Variants in RAB38 observed in about 807,000 individuals in gnomAD.
RAB38 encodes the protein RAB38, member RAS oncogene family, also known as ras-related protein Rab-38.
RAB38 carries 15 observed loss-of-function variants against 18.4 expected under a neutral mutation model. The ratio of observed to expected loss-of-function variants is 0.82; its 90% CI spans 0.55 to 1.26. The LOEUF is 1.26. RAB38 is among the 50% of genes most tolerant of loss of function. The pLI is 0.00. For synonymous variants in RAB38, 101 were observed against 104.4 expected (o/e 0.97, Z 0.20); for missense variants, 294 against 267.4 (o/e 1.10, Z -0.69).
the RAB38 span, among the ~76,000 whole-genome samples, chr11:87,914,977 G>T: frequency 6.6e-6 from 1 of 152,154 alleles, no homozygotes; most frequent in African/African-American, 2.4e-5. Context: ...CTAGATTTCA[G>T]AGGTTGTATC....
At chr11:88,146,457 A>T (rs1942987609) in intron 2 of RAB38, among the ~76,000 whole-genome samples, 1 of 152,068 alleles carries the variant, frequency 6.6e-6, no homozygotes, top group Non-Finnish European at 1.5e-5. Context: ...TGACTGTCTA[A>T]AAGAAGGATA....
the RAB38 span, among the ~76,000 whole-genome samples, chr11:87,893,390 A>ATATATATATATTTTTTTTTTT: frequency 1.1e-5 from 1 of 93,916 alleles, no homozygotes; most frequent in South Asian, 4.0e-4. Context: ...ATATATATAT[A>ATATATATATATTTTTTTTTTT]TTTTTTTTTT....
At chr11:87,840,337 C>T in the RAB38 span, among the ~76,000 whole-genome samples, 3 of 152,138 alleles carry the variant, frequency 2.0e-5, no homozygotes, top group Non-Finnish European at 4.4e-5. Context: ...TCTTGGATTT[C>T]AGAGTAAGCA....
chr11:88,039,018 A>T, the RAB38 span, among the ~76,000 whole-genome samples: 1 of 152,212 alleles, frequency 6.6e-6, no homozygotes, highest in Non-Finnish European at 1.5e-5. Context: ...TCAGAAAAAT[A>T]ATGAGGAATC....
the RAB38 span, among the ~76,000 whole-genome samples, chr11:87,914,982 T>G: frequency 2.4e-4 from 37 of 152,240 alleles, no homozygotes; most frequent in East Asian, 2.7e-3. Context: ...TTTCAGAGGT[T>G]GTATCAGAAA....
chr11:88,070,539 C>T, the RAB38 span, among the ~76,000 whole-genome samples: 3 of 152,174 alleles, frequency 2.0e-5, no homozygotes, highest in Non-Finnish European at 4.4e-5. Context: ...GAATTAAAAA[C>T]ATAAATGCCT....
the RAB38 span, among the ~76,000 whole-genome samples, chr11:88,003,987 G>T: frequency 8.8e-6 from 1 of 114,044 alleles, no homozygotes; most frequent in African/African-American, 3.1e-5. Flanking sequence ...ATGCATATAG[G>T]TATATATATA....
the RAB38 span, among the ~76,000 whole-genome samples, chr11:87,909,453 C>A: frequency 1.3e-5 from 2 of 151,960 alleles, no homozygotes; most frequent in Admixed American, 6.6e-5. Context: ...CTCTCTCTCT[C>A]TGTCTCTCTT....
At chr11:87,894,709 G>A in the RAB38 span, among the ~76,000 whole-genome samples, 1 of 150,076 alleles carries the variant, frequency 6.7e-6, no homozygotes, top group Non-Finnish European at 1.5e-5. Context: ...CATTACGTAT[G>A]AAATAATATG....
the RAB38 span, among the ~76,000 whole-genome samples, chr11:87,975,928 A>C: frequency 1.3e-5 from 2 of 151,610 alleles, no homozygotes; most frequent in Non-Finnish European, 3.0e-5. Flanking sequence ...GGCATTTAAA[A>C]GATTAAAACA....
At chr11:87,936,053 T>C in the RAB38 span, among the ~76,000 whole-genome samples, 6 of 152,152 alleles carry the variant, frequency 3.9e-5, no homozygotes, top group Non-Finnish European at 5.9e-5. Context: ...TAAACACTAG[T>C]TCTTTGTAGG....
At chr11:87,893,371 C>CATATATATATATATATATATATAT in the RAB38 span, among the ~76,000 whole-genome samples, 1 of 86,418 alleles carries the variant, frequency 1.2e-5, no homozygotes, top group Admixed American at 1.6e-4. Flanking sequence ...ATATATTTTA[C>CATATATATATATATATATATATAT]ATATATATAT....
chr11:87,965,292 T>A, the RAB38 span, among the ~76,000 whole-genome samples: 40 of 146,708 alleles, frequency 2.7e-4, no homozygotes, highest in Non-Finnish European at 2.7e-4. Flanking sequence ...TGTGTCTCAA[T>A]AAAAAAAAAA....
At chr11:87,825,809 G>A in the RAB38 span, among the ~76,000 whole-genome samples, 1 of 152,044 alleles carries the variant, frequency 6.6e-6, no homozygotes, top group Non-Finnish European at 1.5e-5. Context: ...ACTCTTTCAT[G>A]GGAGATTTTG....
At chr11:88,166,121 A>T (rs2134851963) in intron 1 of RAB38, 1 of 152,432 alleles carries the variant, frequency 6.6e-6, no homozygotes, top group East Asian at 1.9e-4. Flanking sequence ...AAGCAGGAGC[A>T]AAGGCTCAGA....
the RAB38 span, among the ~76,000 whole-genome samples, chr11:88,035,872 CT>C: frequency 6.7e-6 from 1 of 149,000 alleles, no homozygotes; most frequent in African/African-American, 2.5e-5. Context: ...TTTTTTTTTT[CT>C]TTTGGGATCA....
the RAB38 span, among the ~76,000 whole-genome samples, chr11:88,024,719 G>C: frequency 6.6e-6 from 1 of 152,102 alleles, no homozygotes; most frequent in Admixed American, 6.5e-5. Context: ...TCTGTCATTT[G>C]CAACAACATG....
the RAB38 span, among the ~76,000 whole-genome samples, chr11:88,031,901 A>T: frequency 6.6e-5 from 10 of 152,164 alleles, no homozygotes; most frequent in East Asian, 1.7e-3. Flanking sequence ...TATGGAAGCA[A>T]AAAAGAGCCC....
chr11:88,032,529 A>G, the RAB38 span, among the ~76,000 whole-genome samples: 2 of 152,210 alleles, frequency 1.3e-5, no homozygotes, highest in African/African-American at 2.4e-5. Context: ...CAAATTTACA[A>G]GAAAAAAACA....
Sources: gnomAD v4.1 joint callset for allele counts (sites outside exome capture counted in the v4.1 genomes callset) on GRCh38, gnomAD v4.1.1 for gene constraint, MANE v1.5 for transcripts, NCBI Gene and HGNC (gene_info 2026-07-23, HGNC 2026-07-21) for gene names.